Variants in EMC10 observed in about 807,000 individuals in gnomAD.
EMC10 encodes the protein UPF0510 protein INM02.
EMC10 carries 40 observed loss-of-function variants against 32.2 expected under a neutral mutation model. That is an observed-to-expected ratio of 1.24 (90% CI 0.96 to 1.61). EMC10 has a LOEUF of 1.61. EMC10 is among the 40% of genes most tolerant of loss of function. The pLI, the probability that EMC10 is intolerant of heterozygous loss-of-function variation, is 0.00. For synonymous variants in EMC10, 178 were observed against 158.4 expected (o/e 1.12, Z -0.93); for missense variants, 402 against 357.7 (o/e 1.12, Z -1.00).
At position 50,481,069 on chromosome 19, in the gene EMC10, G is replaced by T. The variant is rs138781330; in HGVS notation, c.678+92G>T. 3.8e-4 allele frequency: 375 copies of T among 985,108 alleles called. 1 individual carries two copies. Among genetic ancestry groups the T allele is most frequent in the Non-Finnish European group, 4.7e-4 (305 of 647,442 alleles). The allele number at this position is 985,108 out of a possible 1,614,324, so 61.0% of individuals were successfully genotyped here. On this transcript the variant is annotated intron_variant, in intron 6 of 6. Coordinates refer to ENST00000334976, the MANE Select transcript of EMC10 (RefSeq NM_206538.4). ...ATGCTCCCACCCAGACTCCCCTATG[G>T]TGCTCGGGCCTGCTCCTTGTCCTCC...
Position 50,483,019 on chromosome 19 carries a change from A to C in EMC10, c.*760A>C, listed in dbSNP as rs2122667364. 9.0e-6 allele frequency: 5 copies of C among 554,928 alleles called. No individual in the cohort carries two copies. Among genetic ancestry groups the C allele is most frequent in the East Asian group, 4.1e-5 (1 of 24,106 alleles). The allele number at this position is 554,928 out of a possible 1,614,324, so 34.4% of individuals were successfully genotyped here. On this transcript the variant is annotated 3_prime_UTR_variant, in exon 7 of 7. Transcript: ENST00000334976. ...AGACACTGTAAATAGAACCCCCTCCACCACCCCCCGCCGCCCAGCATCCTA... is the reference window on the plus strand; with the variant it reads ...AGACACTGTAAATAGAACCCCCTCCCCCACCCCCCGCCGCCCAGCATCCTA...
At position 50,480,288 on chromosome 19, in the gene EMC10, A is replaced by C; in HGVS notation, c.402+73A>C. 1 of 1,432,512 alleles carries C rather than the reference A, an allele frequency of 7.0e-7. No individual in the cohort carries two copies. The highest frequency in any genetic ancestry group is 9.6e-7 in the Non-Finnish European group (1 of 1,037,186). The allele number at this position is 1,432,512 out of a possible 1,614,324, so 88.7% of individuals were successfully genotyped here. A position where few individuals can be genotyped will look rare whatever the true frequency, so the allele number is the denominator to read the frequency against. ...CCCCTACCCTGGTCCTGCTTCCACC[A>C]TTCGAACCCCTGTGTTTCTGGAGCC... On this transcript the variant is annotated intron_variant, in intron 4 of 6. Transcript: ENST00000334976. This position sits in a 1 kb window ranked among gnomAD's most constrained non-coding sequence, Gnocchi z 4.4.
chr19:50,480,408 G>C lies in EMC10; in HGVS notation c.403-173G>C, dbSNP rs1055491805. On this transcript the variant is annotated intron_variant, in intron 4 of 6. Coordinates refer to ENST00000334976, the MANE Select transcript of EMC10 (RefSeq NM_206538.4). This position sits in a 1 kb window ranked among gnomAD's most constrained non-coding sequence, Gnocchi z 4.4. ...GGTAGCGGGTGCTTTCATGGGGATA[G>C]CATTGTGAGGACTCCCGGGTGGGGG... is the stretch of plus-strand genomic sequence containing the variant. 1.3e-5 allele frequency among the ~76,000 whole-genome samples: 2 copies of C among 152,198 alleles called. No homozygotes were observed. The highest frequency in any genetic ancestry group is 2.9e-5 in the Non-Finnish European group (2 of 68,032).
intron 6 of EMC10, chr19:50,481,832 G>C: frequency 6.5e-7 from 1 of 1,535,892 alleles, no homozygotes; most frequent in Admixed American, 2.1e-5. Flanking sequence ...CAGCCCACTG[G>C]CCCTGACCTG....
In EMC10 at chr19:50,490,312, A is replaced by G. The variant is rs1978571454; in HGVS notation, c.*8053A>G. 6.6e-6 allele frequency: 1 copy of G among 151,980 alleles called. No individual in the cohort carries two copies. The highest frequency in any genetic ancestry group is 2.4e-5 in the African/African-American group (1 of 41,344). The allele number at this position is 151,980 out of a possible 1,614,324, so 9.4% of individuals were successfully genotyped here. On this transcript the variant is annotated 3_prime_UTR_variant, in exon 7 of 7. Coordinates refer to ENST00000334976, the MANE Select transcript of EMC10 (RefSeq NM_206538.4). Reference sequence around the variant, plus strand: ...TATTTTTTAGTAGAGACGGGGTTTCACCATTTTGGCTAGGCTGGTCTCGAA... The same window carrying G: ...TATTTTTTAGTAGAGACGGGGTTTCGCCATTTTGGCTAGGCTGGTCTCGAA...
In EMC10 at chr19:50,484,018, C is replaced by CTTTTTTTTTTTTTTTTTTTTTTTT. The variant is rs150801533; in HGVS notation, c.*1763_*1786dup. On this transcript the variant is annotated 3_prime_UTR_variant, in exon 7 of 7. Transcript: ENST00000334976. The stretch of plus-strand genomic sequence containing the variant: ...AGGATTCCAGAAATATTTACTAATG[C>CTTTTTTTTTTTTTTTTTTTTTTTT]TTTTTTTTTTTTTTTTTTTTTTTTT... The CTTTTTTTTTTTTTTTTTTTTTTTT allele has an allele frequency of 5.9e-5, 3 of 50,778 alleles. 1 individual carries two copies. Among genetic ancestry groups the CTTTTTTTTTTTTTTTTTTTTTTTT allele is most frequent in the African/African-American group, 1.9e-4 (2 of 10,732 alleles). The allele number at this position is 50,778 out of a possible 1,614,324, so 3.1% of individuals were successfully genotyped here. A position where few individuals can be genotyped will look rare whatever the true frequency, so the allele number is the denominator to read the frequency against.
intron 2 of EMC10, 105 bp downstream of exon 2, chr19:50,478,106 T>C: frequency 1.1e-6 from 1 of 929,814 alleles, no homozygotes; most frequent in Non-Finnish European, 1.6e-6. Flanking sequence ...CTAACAACCA[T>C]TTACTAACAG....
In EMC10 at chr19:50,485,175, T is replaced by G. The variant is rs2040376371; in HGVS notation, c.*2916T>G. ...GCATCATTTTGCACACATATGTGTC[T>G]GTGGAAGACATGGCCCGGTGGGGCC... On this transcript the variant is annotated 3_prime_UTR_variant, in exon 7 of 7. Coordinates refer to ENST00000334976, the MANE Select transcript of EMC10 (RefSeq NM_206538.4). The G allele has an allele frequency of 6.6e-6, 1 of 152,246 alleles. No homozygotes were observed. Among genetic ancestry groups the G allele is most frequent in the African/African-American group, 2.4e-5 (1 of 41,446 alleles). The allele number at this position is 152,246 out of a possible 1,614,324, so 9.4% of individuals were successfully genotyped here. A position where few individuals can be genotyped will look rare whatever the true frequency, so the allele number is the denominator to read the frequency against.
intron 1 of EMC10, 95 bp downstream of exon 1, chr19:50,476,753 G>A: frequency 1.3e-6 from 1 of 773,542 alleles, no homozygotes; most frequent in Non-Finnish European, 1.9e-6. Context: ...AGGCTGCGCA[G>A]GGCTGAGAGG....
At chr19:50,479,683 C>T (rs138492851) in intron 3 of EMC10, among the ~76,000 whole-genome samples, 53 of 152,308 alleles carry the variant, frequency 3.5e-4, no homozygotes, top group Middle Eastern at 3.4e-3. Flanking sequence ...GGTGGCCACG[C>T]GGTGAGGTCT....
At position 50,488,086 on chromosome 19, in the gene EMC10, A is replaced by C. The variant is rs1244352089; in HGVS notation, c.*5827A>C. On this transcript the variant is annotated 3_prime_UTR_variant, in exon 7 of 7. Coordinates refer to ENST00000334976, the MANE Select transcript of EMC10 (RefSeq NM_206538.4). ...GGCAGGCAGATCACGAGGTGAGGAG[A>C]TCGAGACCGTCCTGGCTAACACGGT... 2.6e-5 allele frequency: 4 copies of C among 151,984 alleles called. No individual in the cohort carries two copies. The highest frequency in any genetic ancestry group is 6.6e-5 in the Admixed American group (1 of 15,216). The allele number at this position is 151,984 out of a possible 1,614,324, so 9.4% of individuals were successfully genotyped here.
In EMC10 at chr19:50,487,528, G is replaced by A. The variant is rs1978408684; in HGVS notation, c.*5269G>A. 1 of 152,408 alleles carries A rather than the reference G, an allele frequency of 6.6e-6. No individual in the cohort carries two copies. The highest frequency in any genetic ancestry group is 2.4e-5 in the African/African-American group (1 of 41,460). The allele number at this position is 152,408 out of a possible 1,614,324, so 9.4% of individuals were successfully genotyped here. A position where few individuals can be genotyped will look rare whatever the true frequency, so the allele number is the denominator to read the frequency against. The stretch of plus-strand genomic sequence containing the variant: ...ACAGATGGAAAAGGAAGAGAGAATG[G>A]GTGTCACAAAGGTCTGTCCACTCCT... On this transcript the variant is annotated 3_prime_UTR_variant, in exon 7 of 7. Transcript: ENST00000334976.
chr19:50,480,203 C>G lies in EMC10; in HGVS notation c.390C>G (p.Ser130=). 1 of 1,613,742 alleles carries G rather than the reference C, an allele frequency of 6.2e-7. No individual in the cohort carries two copies. Among genetic ancestry groups the G allele is most frequent in the Non-Finnish European group, 8.5e-7 (1 of 1,179,862 alleles). Residue 130 remains serine, a synonymous_variant, in exon 4 of 7, where the codon TCC becomes TCG. Transcript: ENST00000334976. This position sits in a 1 kb window ranked among gnomAD's most constrained non-coding sequence, Gnocchi z 4.4. The stretch of plus-strand genomic sequence containing the variant: ...TGGAAGCTGGTGGCTATGTCTCCTC[C>G]TTTGTCCCTGCGGTGAGTTGGTGTC... The part of the protein sequence containing the change: ...DGLEAGGYVS[S]FVPACSLVES...
At chr19:50,479,091 G>T in intron 3 of EMC10, 25 bp downstream of exon 3, 1 of 1,550,944 alleles carries the variant, frequency 6.4e-7, no homozygotes, top group South Asian at 1.2e-5. Context: ...TCAGGGCTGG[G>T]TGTGGATGGG....
At chr19:50,477,394 C>T (rs946911768) in intron 1 of EMC10, among the ~76,000 whole-genome samples, 8 of 152,174 alleles carry the variant, frequency 5.3e-5, no homozygotes, top group Non-Finnish European at 1.5e-5. Flanking sequence ...CTGAGCGAGA[C>T]CCTGTCTCAG....
rs113217923 is a variant in EMC10 at position 50,478,350 on chromosome 19, C to T, written c.187+349C>T. 8.4e-4 allele frequency among the ~76,000 whole-genome samples: 128 copies of T among 152,286 alleles called. 2 individuals are homozygous for T. Among genetic ancestry groups the T allele is most frequent in the African/African-American group, 3.0e-3 (123 of 41,552 alleles). On this transcript the variant is annotated intron_variant, in intron 2 of 6. Transcript: ENST00000334976. ...TGAGGTGGTAGGTATTCGTGTCAGCCCCTTTTTCCAGAAGAGGAAACGGGC... is the reference window on the plus strand; with the variant it reads ...TGAGGTGGTAGGTATTCGTGTCAGCTCCTTTTTCCAGAAGAGGAAACGGGC...
Position 50,482,750 on chromosome 19 carries a change from C to T in EMC10, c.*491C>T, listed in dbSNP as rs1233194703. The T allele has an allele frequency of 6.2e-6, 3 of 486,218 alleles. No individual in the cohort carries two copies. The highest frequency in any genetic ancestry group is 2.0e-5 in the African/African-American group (1 of 50,260). The allele number at this position is 486,218 out of a possible 1,614,324, so 30.1% of individuals were successfully genotyped here. Reference sequence around the variant, plus strand: ...CTAGGATGCAGCCTCCCTTCTGTGTCCCCTTGAGGGTACCCTGGGTCCCCT... The same window carrying T: ...CTAGGATGCAGCCTCCCTTCTGTGTTCCCTTGAGGGTACCCTGGGTCCCCT... On this transcript the variant is annotated 3_prime_UTR_variant, in exon 7 of 7. Transcript: ENST00000334976.
chr19:50,479,231 G>A (rs922434330), intron 3 of EMC10, among the ~76,000 whole-genome samples, 165 bp downstream of exon 3: 1 of 152,184 alleles, frequency 6.6e-6, no homozygotes, highest in Non-Finnish European at 1.5e-5. Flanking sequence ...GCCCCTGGAG[G>A]AACGGCATTG....
At chr19:50,481,805 G>A in intron 6 of EMC10, 1 of 1,463,426 alleles carries the variant, frequency 6.8e-7, no homozygotes, top group Non-Finnish European at 9.1e-7. Flanking sequence ...CTCCCTGCTG[G>A]CCCTCAGGCC....
Sources: allele counts gnomAD v4.1 joint callset (sites outside exome capture counted in the v4.1 genomes callset), GRCh38; gene constraint gnomAD v4.1.1; non-coding constraint Gnocchi (gnomAD v3.1); transcripts MANE v1.5; gene names NCBI Gene and HGNC (gene_info 2026-07-23, HGNC 2026-07-21).